CHD1L: variants seen among roughly 807,000 people sequenced by gnomAD.
CHD1L encodes the protein chromodomain helicase DNA binding protein 1 like, also known as ATP-dependent chromatin remodeler CHD1L.
CHD1L carries 118 observed loss-of-function variants against 115.9 expected under a neutral mutation model. The ratio of observed to expected loss-of-function variants is 1.02; its 90% CI spans 0.88 to 1.19. The LOEUF (loss-of-function observed/expected upper bound fraction) is 1.19, where lower values mean the gene tolerates loss of function less well. Ranked by LOEUF, CHD1L falls within the 50% of genes most tolerant of loss-of-function variation. The pLI is 0.00. For synonymous variants in CHD1L, 411 were observed against 387.1 expected (o/e 1.06, Z -0.72); for missense variants, 1,179 against 1,065.3 (o/e 1.11, Z -1.49).
At chr1:147,266,232 G>C (rs1553948292) in intron 8 of CHD1L, 145 bp downstream of exon 8, 4 of 748,224 alleles carry the variant, frequency 5.3e-6, no homozygotes, top group Non-Finnish European at 8.1e-6. Flanking sequence ...CGGCTACAGT[G>C]GGACTGTGGC....
Position 147,275,372 on chromosome 1 carries a change from TAAC to T in CHD1L, c.1291_1293del (p.Thr431del), listed in dbSNP as rs781983037. The T allele has an allele frequency of 2.8e-5, 45 of 1,613,902 alleles. No individual in the cohort carries two copies. Among genetic ancestry groups the T allele is most frequent in the Admixed American group, 5.0e-5 (3 of 60,006 alleles). Reference sequence around the variant, plus strand: ...TTTTCAGGTGGAGTTGGCATGAACTTAACAGCAGCAGATACTGTGATTTTTGTT... The same window carrying T: ...TTTTCAGGTGGAGTTGGCATGAACTTAGCAGCAGATACTGTGATTTTTGTT... On this transcript the variant is annotated inframe_deletion, in exon 13 of 23. Transcript: ENST00000369258.
the CHD1L span, chr1:147,210,957 T>C: frequency 6.6e-6 from 1 of 152,238 alleles, no homozygotes; most frequent in African/African-American, 2.4e-5. Context: ...ACTTCCATGA[T>C]ATACTGAAAT....
chr1:147,230,972 G>A, the CHD1L span, among the ~76,000 whole-genome samples: 6 of 151,838 alleles, frequency 4.0e-5, no homozygotes, highest in East Asian at 3.9e-4. Flanking sequence ...TGGATTCATT[G>A]ATTTTTTGAA....
At chr1:147,274,729 G>A (rs1001131973) in intron 12 of CHD1L, among the ~76,000 whole-genome samples, 3 of 152,096 alleles carry the variant, frequency 2.0e-5, no homozygotes, top group Admixed American at 6.5e-5. Context: ...CAGAGTAAAT[G>A]ACAAGAGTGT....
chr1:147,225,319 G>C, the CHD1L span: 1 of 477,564 alleles, frequency 2.1e-6, no homozygotes, highest in African/African-American at 2.0e-5. Context: ...AGATCCTTCA[G>C]CTGCGATCTG....
chr1:147,241,048 A>C (rs1664822662), upstream of CHD1L, among the ~76,000 whole-genome samples: 1 of 151,862 alleles, frequency 6.6e-6, no homozygotes, highest in Non-Finnish European at 1.5e-5. Context: ...ACAAGTGTGG[A>C]GGGGCAGGCC....
chr1:147,278,523 GT>G (rs1418545860), intron 14 of CHD1L, among the ~76,000 whole-genome samples: 41 of 147,750 alleles, frequency 2.8e-4, no homozygotes, highest in Admixed American at 4.7e-4. Context: ...GCGCCTGGGG[GT>G]ATTTTTTTTT....
At chr1:147,210,275 A>C in the CHD1L span, 1 of 152,206 alleles carries the variant, frequency 6.6e-6, no homozygotes, top group African/African-American at 2.4e-5. Context: ...TAGTGGAACA[A>C]CAGGAAGCTA....
intron 14 of CHD1L, among the ~76,000 whole-genome samples, chr1:147,278,405 A>G (rs1317002592): frequency 6.6e-6 from 1 of 151,316 alleles, no homozygotes; most frequent in Non-Finnish European, 1.5e-5. Flanking sequence ...TTGCATTTTT[A>G]GTAGAGACGG....
chr1:147,203,535 T>C, the CHD1L span: 11 of 912,320 alleles, frequency 1.2e-5, no homozygotes, highest in Non-Finnish European at 2.0e-5. Context: ...TAGAGATTAC[T>C]TCATTGGCCT....
intron 15 of CHD1L, among the ~76,000 whole-genome samples, chr1:147,282,432 T>G (rs1358782626): frequency 1.3e-5 from 2 of 152,094 alleles, no homozygotes; most frequent in African/African-American, 4.8e-5. Flanking sequence ...AGTCCTAAGC[T>G]CTTGGGGGAT....
chr1:147,211,481 G>C, the CHD1L span: 2 of 152,142 alleles, frequency 1.3e-5, no homozygotes, highest in Non-Finnish European at 2.9e-5. Flanking sequence ...ATGAGAAGAA[G>C]TGTTTTTCAA....
At chr1:147,231,735 A>G in the CHD1L span, among the ~76,000 whole-genome samples, 24 of 152,110 alleles carry the variant, frequency 1.6e-4, no homozygotes. Flanking sequence ...GGAGCCAGGC[A>G]TGGGATATAA....
intron 15 of CHD1L, among the ~76,000 whole-genome samples, chr1:147,280,948 A>T (rs1330323396): frequency 6.6e-6 from 1 of 152,110 alleles, no homozygotes; most frequent in Non-Finnish European, 1.5e-5. Context: ...TTAATTATAC[A>T]CAATAGTGCT....
chr1:147,201,509 G>A, the CHD1L span: 1 of 1,602,280 alleles, frequency 6.2e-7, no homozygotes, highest in Non-Finnish European at 8.5e-7. Flanking sequence ...AGAGCTCTGT[G>A]AGTCGTGACA....
chr1:147,248,055 T>A (rs1667172283), intron 1 of CHD1L, among the ~76,000 whole-genome samples: 1 of 152,254 alleles, frequency 6.6e-6, no homozygotes, highest in Non-Finnish European at 1.5e-5. Context: ...ACATACTCAC[T>A]GATGCCAGGA....
intron 10 of CHD1L, among the ~76,000 whole-genome samples, chr1:147,270,000 T>A (rs1161923765): frequency 2.0e-5 from 3 of 152,168 alleles, no homozygotes; most frequent in African/African-American, 7.2e-5. Context: ...CTGGCCAGTT[T>A]TTTATTTCAC....
At chr1:147,179,127 G>A in the CHD1L span, 9 of 1,614,124 alleles carry the variant, frequency 5.6e-6, no homozygotes, top group South Asian at 8.8e-5. Flanking sequence ...AGTTTGTCAT[G>A]CAGGAGGATT....
chr1:147,205,112 C>T, the CHD1L span, among the ~76,000 whole-genome samples: 1 of 152,192 alleles, frequency 6.6e-6, no homozygotes, highest in East Asian at 1.9e-4. Context: ...TGTTCCAAGA[C>T]TTTGTCTTTA....
Sources: allele counts gnomAD v4.1 joint callset (sites outside exome capture counted in the v4.1 genomes callset), GRCh38; gene constraint gnomAD v4.1.1; transcripts MANE v1.5; gene names NCBI Gene and HGNC (gene_info 2026-07-23, HGNC 2026-07-21).